The following SH3GL2 variants were observed in gnomAD, a reference collection of about 807,000 sequenced individuals.
The protein encoded by SH3GL2 is endophilin-A1.
SH3GL2 carries 24 observed loss-of-function variants against 46.0 expected under a neutral mutation model. The observed-to-expected ratio is 0.52, with a 90% confidence interval of 0.38 to 0.73. The LOEUF (loss-of-function observed/expected upper bound fraction) is 0.73, where lower values mean the gene tolerates loss of function less well. Ranked by LOEUF, SH3GL2 falls within the 30% of genes least tolerant of loss-of-function variation. The pLI, the probability that SH3GL2 is intolerant of heterozygous loss-of-function variation, is 0.00. For missense variants in SH3GL2, 413 were observed against 424.2 expected, an observed-to-expected ratio of 0.97 and a Z score of 0.23; for synonymous variants, 196 against 147.1, an observed-to-expected ratio of 1.33 and a Z score of -2.40.
chr9:17,620,909 G>A (rs1819123124), intron 1 of SH3GL2, among the ~76,000 whole-genome samples: 1 of 152,072 alleles, frequency 6.6e-6, no homozygotes, highest in Non-Finnish European at 1.5e-5. Flanking sequence ...CAAAATATTT[G>A]GAGTCAGTAG....
At chr9:17,678,191 A>G (rs1369581297) in intron 1 of SH3GL2, among the ~76,000 whole-genome samples, 3 of 151,980 alleles carry the variant, frequency 2.0e-5, no homozygotes, top group Admixed American at 6.6e-5. Context: ...CTAGTTCTAG[A>G]TCCCTGAGGA....
At chr9:17,772,613 G>C (rs187123129) in intron 3 of SH3GL2, among the ~76,000 whole-genome samples, 1 of 152,246 alleles carries the variant, frequency 6.6e-6, no homozygotes, top group Admixed American at 6.5e-5. Flanking sequence ...TTTTGTGACG[G>C]CTTTATTTCA....
chr9:17,582,548 A>T (rs1278242150), intron 1 of SH3GL2, among the ~76,000 whole-genome samples: 13 of 152,238 alleles, frequency 8.5e-5, no homozygotes, highest in Admixed American at 7.9e-4. Flanking sequence ...CTGTATTTTT[A>T]AAAATTCACT....
chr9:17,728,152 G>A (rs539759970), intron 1 of SH3GL2, among the ~76,000 whole-genome samples: 3 of 152,218 alleles, frequency 2.0e-5, no homozygotes, highest in Admixed American at 2.0e-4. Context: ...AGATTTCTAT[G>A]CGAATCTAGT....
intron 1 of SH3GL2, among the ~76,000 whole-genome samples, chr9:17,650,767 A>G (rs1335907857): frequency 6.6e-6 from 1 of 152,190 alleles, no homozygotes; most frequent in South Asian, 2.1e-4. Context: ...TTGTGAACAT[A>G]TTAATTAACT....
intron 1 of SH3GL2, among the ~76,000 whole-genome samples, chr9:17,699,394 C>T (rs1000944837): frequency 6.6e-6 from 1 of 152,184 alleles, no homozygotes; most frequent in Non-Finnish European, 1.5e-5. Flanking sequence ...GAAATGTATA[C>T]TTGCCAGACT....
intron 1 of SH3GL2, among the ~76,000 whole-genome samples, chr9:17,667,461 G>C (rs923258703): frequency 6.6e-6 from 1 of 152,086 alleles, no homozygotes; most frequent in Non-Finnish European, 1.5e-5. Context: ...CTTTCTCTTA[G>C]CATAGTGTTT....
intron 1 of SH3GL2, among the ~76,000 whole-genome samples, chr9:17,676,148 C>T (rs1287732274): frequency 6.6e-6 from 1 of 152,078 alleles, no homozygotes; most frequent in Non-Finnish European, 1.5e-5. Flanking sequence ...AGTTTTTACC[C>T]TGCATTGTAT....
chr9:17,645,623 A>T (rs1038430018), intron 1 of SH3GL2, among the ~76,000 whole-genome samples: 1 of 151,958 alleles, frequency 6.6e-6, no homozygotes, highest in Admixed American at 6.6e-5. Flanking sequence ...TTTCTCCTTC[A>T]TTTATGAAGT....
At chr9:17,639,785 A>G (rs1819631044) in intron 1 of SH3GL2, among the ~76,000 whole-genome samples, 1 of 152,214 alleles carries the variant, frequency 6.6e-6, no homozygotes, top group Non-Finnish European at 1.5e-5. Flanking sequence ...AATATTATGT[A>G]ACAACAAAAA....
At chr9:17,682,169 A>G (rs546531250) in intron 1 of SH3GL2, among the ~76,000 whole-genome samples, 13 of 152,320 alleles carry the variant, frequency 8.5e-5, no homozygotes, top group Non-Finnish European at 1.6e-4. Flanking sequence ...TCAAGGATCT[A>G]CAACCAGAAC....
intron 1 of SH3GL2, among the ~76,000 whole-genome samples, chr9:17,703,811 A>G (rs1401023670): frequency 1.3e-5 from 2 of 152,076 alleles, no homozygotes; most frequent in Admixed American, 6.6e-5. Context: ...CCTCAAAATA[A>G]TAAGAGCCAT....
intron 4 of SH3GL2, 29 bp downstream of exon 4, chr9:17,786,553 C>T: frequency 2.5e-6 from 4 of 1,606,706 alleles, no homozygotes; most frequent in East Asian, 2.2e-5. Context: ...CATTGTAATT[C>T]TTTCATTTGT....
intron 2 of SH3GL2, among the ~76,000 whole-genome samples, chr9:17,749,591 C>G: frequency 6.6e-6 from 1 of 152,182 alleles, no homozygotes; most frequent in Non-Finnish European, 1.5e-5. Context: ...TCTGCCAGGA[C>G]TAAAGGGAAT....
chr9:17,659,923 A>G (rs559436371), intron 1 of SH3GL2, among the ~76,000 whole-genome samples: 1 of 152,334 alleles, frequency 6.6e-6, no homozygotes, highest in Admixed American at 6.5e-5. Context: ...ATTTACTAAT[A>G]TCTGAGATTA....
chr9:17,653,941 A>T, intron 1 of SH3GL2: 3 of 657,318 alleles, frequency 4.6e-6, no homozygotes, highest in Non-Finnish European at 5.7e-6. Context: ...AAAAGAAATG[A>T]CTAGGCAGAT....
chr9:17,746,997 T>C (rs1822707765), intron 1 of SH3GL2, 69 bp from the exon 2 acceptor site: 1 of 1,081,684 alleles, frequency 9.2e-7, no homozygotes, highest in Admixed American at 2.0e-5. Context: ...GTGAAAGTGC[T>C]TAAAATTTCT....
intron 1 of SH3GL2, among the ~76,000 whole-genome samples, chr9:17,593,912 C>G (rs545963191): frequency 2.6e-5 from 4 of 152,308 alleles, no homozygotes; most frequent in South Asian, 2.1e-4. Context: ...AGACCAGTCA[C>G]TAGTCACTTG....
At chr9:17,721,361 A>G (rs1588272598) in intron 1 of SH3GL2, among the ~76,000 whole-genome samples, 1 of 152,116 alleles carries the variant, frequency 6.6e-6, no homozygotes, top group African/African-American at 2.4e-5. Context: ...TTCTCTCACC[A>G]GAGATAGTTT....
Sources: allele counts gnomAD v4.1 joint callset (sites outside exome capture counted in the v4.1 genomes callset), GRCh38; gene constraint gnomAD v4.1.1; transcripts MANE v1.5; gene names NCBI Gene and HGNC (gene_info 2026-07-23, HGNC 2026-07-21).